Variants in PTPRO observed in about 807,000 individuals in gnomAD.
The protein encoded by PTPRO is protein tyrosine phosphatase receptor type O.
A neutral mutation model predicts 145.2 loss-of-function variants in PTPRO; 62 were observed. The ratio of observed to expected loss-of-function variants is 0.43; its 90% confidence interval spans 0.35 to 0.53. PTPRO has a LOEUF of 0.53. Among genes scored for constraint, PTPRO ranks in the 20% least tolerant of loss-of-function variants. The pLI is 0.01. For synonymous variants in PTPRO, 565 were observed against 514.7 expected, an observed-to-expected ratio of 1.10 and a Z score of -1.32; for missense variants, 1,345 against 1,482.7, an observed-to-expected ratio of 0.91 and a Z score of 1.53.
chr12:15,462,118 A>AATGTTG (rs1442655672), intron 1 of PTPRO, among the ~76,000 whole-genome samples: 1 of 151,992 alleles, frequency 6.6e-6, no homozygotes, highest in Non-Finnish European at 1.5e-5. Context: ...TACTTAGCTT[A>AATGTTG]ATGTTGCTCA....
chr12:15,463,553 A>G (rs951204131), intron 1 of PTPRO, among the ~76,000 whole-genome samples: 7 of 152,336 alleles, frequency 4.6e-5, no homozygotes, highest in African/African-American at 1.7e-4. Flanking sequence ...GCATTAAATA[A>G]TTATACAGGT....
intron 12 of PTPRO, among the ~76,000 whole-genome samples, chr12:15,543,291 T>G (rs546992461): frequency 1.3e-5 from 2 of 152,310 alleles, no homozygotes; most frequent in African/African-American, 4.8e-5. Context: ...GTTACGTGGT[T>G]GTTAGATGTC....
rs147606138 is a variant in PTPRO, at chr12:15,581,298, C to CTTT, written c.3133-363_3133-361dup. Among the ~76,000 whole-genome samples, 240 of 122,948 alleles carry CTTT rather than the reference C, an allele frequency of 2.0e-3. 2 individuals are homozygous for CTTT. The highest frequency in any genetic ancestry group is 2.0e-3 in the Non-Finnish European group (127 of 62,070). 80.7% of individuals were successfully genotyped at this position (122,948 alleles called of 152,430 possible). A position where few individuals can be genotyped will look rare whatever the true frequency, so the allele number is the denominator to read the frequency against. On this transcript the variant is annotated intron_variant, in intron 22 of 26. Transcript: ENST00000281171. The stretch of plus-strand genomic sequence containing the variant: ...CAATGTTATGCGTTCTGAGTGCTTT[C>CTTT]TTTTTTTTTTTTTTTTTTTTGAGAC...
chr12:15,354,275 T>A (rs2136234696), intron 1 of PTPRO, among the ~76,000 whole-genome samples: 1 of 152,326 alleles, frequency 6.6e-6, no homozygotes, highest in South Asian at 2.1e-4. Context: ...CCATAAACTT[T>A]TTATAAAGCA....
Position 15,515,530 on chromosome 12 carries a change from G to T in PTPRO, c.1497G>T (p.Leu499=). Residue 499 remains leucine, a synonymous_variant, in exon 8 of 27, where the codon CTG becomes CTT. Coordinates refer to ENST00000281171, the MANE Select transcript of PTPRO (RefSeq NM_030667.3). ...VNSSKPIIEN[L]VPGAQYQVVI... Reference sequence around the variant, plus strand: ...CAAGCAAACCTATTATTGAAAATCTGGTTCCTGGTGCCCAGTACCAGGTTG... The same window carrying T: ...CAAGCAAACCTATTATTGAAAATCTTGTTCCTGGTGCCCAGTACCAGGTTG... 1 of 1,613,866 alleles carries T rather than the reference G, an allele frequency of 6.2e-7. No individual in the cohort carries two copies. Among genetic ancestry groups the T allele is most frequent in the Non-Finnish European group, 8.5e-7 (1 of 1,179,844 alleles).
At chr12:15,420,873 T>C (rs1482260500) in intron 1 of PTPRO, among the ~76,000 whole-genome samples, 3 of 152,210 alleles carry the variant, frequency 2.0e-5, no homozygotes, top group African/African-American at 7.2e-5. Flanking sequence ...TTGAATGAGT[T>C]AGCACAGAAA....
chr12:15,369,403 C>G (rs1938456701), intron 1 of PTPRO, among the ~76,000 whole-genome samples: 1 of 152,174 alleles, frequency 6.6e-6, no homozygotes, highest in South Asian at 2.1e-4. Flanking sequence ...AGAGCTCAGT[C>G]TGAACCTAGC....
intron 1 of PTPRO, chr12:15,439,549 C>A (rs770702965): frequency 8.1e-6 from 2 of 246,046 alleles, no homozygotes; most frequent in Admixed American, 4.9e-5. Context: ...GCTGGTGGAG[C>A]GAGGGGGCCC....
intron 1 of PTPRO, among the ~76,000 whole-genome samples, chr12:15,401,477 G>A (rs571760839): frequency 6.6e-6 from 1 of 152,284 alleles, no homozygotes; most frequent in Admixed American, 6.5e-5. Context: ...AAATATACCT[G>A]TTCATAGGAT....
chr12:15,431,217 A>G (rs1372244031), intron 1 of PTPRO, among the ~76,000 whole-genome samples: 1 of 152,204 alleles, frequency 6.6e-6, no homozygotes, highest in Non-Finnish European at 1.5e-5. Flanking sequence ...AAAATCAAAC[A>G]TGTGTCCCAC....
rs778470827 is a variant in PTPRO, at chr12:15,515,990, TTG to T, written c.1585+374_1585+375del. ...TTGTTTGTCTGGTTTTTTTTTTGTTTTGTTTTTTTTTTTTTTTGGAGACAGAG... is the reference window on the plus strand; with the variant it reads ...TTGTTTGTCTGGTTTTTTTTTTGTTTTTTTTTTTTTTTTTTGGAGACAGAG... On this transcript the variant is annotated intron_variant, in intron 8 of 26. Coordinates refer to ENST00000281171, the MANE Select transcript of PTPRO (RefSeq NM_030667.3). Among the ~76,000 whole-genome samples, 387 of 125,716 alleles carry T rather than the reference TTG, an allele frequency of 3.1e-3. 21 individuals carry two copies. The highest frequency in any genetic ancestry group is 0.012 in the African/African-American group (367 of 29,752). 82.5% of individuals were successfully genotyped at this position (125,716 alleles called of 152,430 possible). A position where few individuals can be genotyped will look rare whatever the true frequency, so the allele number is the denominator to read the frequency against.
At position 15,584,113 on chromosome 12, in the gene PTPRO, C is replaced by G. The variant is rs1159951369; in HGVS notation, c.3255+2312C>G. On this transcript the variant is annotated intron_variant, in intron 23 of 26. Transcript: ENST00000281171. Reference sequence around the variant, plus strand: ...AAGTAAGCTGCTTTATCACAGCACACCATAGATAGTTACAATTCTCGCTTC... The same window carrying G: ...AAGTAAGCTGCTTTATCACAGCACAGCATAGATAGTTACAATTCTCGCTTC... Among the ~76,000 whole-genome samples the G allele has an allele frequency of 2.0e-5, 3 of 152,194 alleles. No individual in the cohort carries two copies. In the East Asian group the frequency reaches 5.8e-4, roughly 29 times the overall value.
At chr12:15,474,918 C>G (rs1941621459) in intron 1 of PTPRO, among the ~76,000 whole-genome samples, 1 of 152,210 alleles carries the variant, frequency 6.6e-6, no homozygotes, top group African/African-American at 2.4e-5. Flanking sequence ...CTAGATCGCA[C>G]TTGGCCTGCT....
chr12:15,513,147 GAAAGAAAGAA>G (rs1347582212), intron 7 of PTPRO, among the ~76,000 whole-genome samples: 1 of 33,870 alleles, frequency 3.0e-5, no homozygotes, highest in African/African-American at 1.2e-4. Context: ...AAGGAAGAAA[GAAAGAAAGAA>G]AAAGAAAGAA....
chr12:15,472,810 A>T (rs1163263590), intron 1 of PTPRO, among the ~76,000 whole-genome samples: 3 of 152,180 alleles, frequency 2.0e-5, no homozygotes, highest in Admixed American at 2.0e-4. Context: ...AGGACCTCAG[A>T]CCAAATCAGG....
chr12:15,569,409 TG>T lies in PTPRO; in HGVS notation c.2748-6del. 1 of 1,608,432 alleles carries T rather than the reference TG, an allele frequency of 6.2e-7. No individual in the cohort carries two copies. The highest frequency in any genetic ancestry group is 8.5e-7 in the Non-Finnish European group (1 of 1,174,886). ...AAATGTATGTATATTTCTTTGTGTT[TG>T]GCAAAGCCCGGTTCAACTGGATGAC... On this transcript the variant is annotated splice_polypyrimidine_tract_variant and splice_region_variant and intron_variant, in intron 18 of 26. Transcript: ENST00000281171.
At chr12:15,499,699 G>A in intron 4 of PTPRO, 105 bp downstream of exon 4, 1 of 1,295,876 alleles carries the variant, frequency 7.7e-7, no homozygotes, top group Non-Finnish European at 1.1e-6. Context: ...AGCAAAGAAA[G>A]AAAATATATA....
At chr12:15,558,010 C>T (rs1043788004) in intron 16 of PTPRO, among the ~76,000 whole-genome samples, 3 of 152,236 alleles carry the variant, frequency 2.0e-5, no homozygotes, top group Admixed American at 2.0e-4. Context: ...TCTCAACTCA[C>T]TGCAATCTCT....
chr12:15,447,230 T>G (rs1191982687), intron 1 of PTPRO, among the ~76,000 whole-genome samples: 1 of 152,040 alleles, frequency 6.6e-6, no homozygotes, highest in East Asian at 1.9e-4. Flanking sequence ...GTGGATGGAT[T>G]TCATGGGGGG....
Sources: gnomAD v4.1 joint callset for allele counts (sites outside exome capture counted in the v4.1 genomes callset) on GRCh38, gnomAD v4.1.1 for gene constraint, MANE v1.5 for transcripts, NCBI Gene and HGNC (gene_info 2026-07-23, HGNC 2026-07-21) for gene names.